The following PDE1C variants were observed in gnomAD, a reference collection of about 807,000 sequenced individuals.
PDE1C encodes the protein dual specificity calcium/calmodulin-dependent 3',5'-cyclic nucleotide phosphodiesterase 1C.
PDE1C carries 62 observed loss-of-function variants against 93.1 expected under a neutral mutation model. The observed-to-expected ratio is 0.67, with a 90% CI of 0.54 to 0.82. The LOEUF is 0.82. PDE1C is among the 40% of genes least tolerant of loss of function. The probability of loss-of-function intolerance (pLI) is 0.00; values close to 1 mark genes in which losing one functional copy is unlikely to be tolerated. For missense variants in PDE1C, 742 were observed against 884.6 expected, an observed-to-expected ratio of 0.84 and a Z score of 2.04; for synonymous variants, 325 against 310.1, an observed-to-expected ratio of 1.05 and a Z score of -0.50.
At chr7:32,294,214 G>T (rs967740189) in intron 1 of PDE1C, among the ~76,000 whole-genome samples, 1 of 152,202 alleles carries the variant, frequency 6.6e-6, no homozygotes, top group African/African-American at 2.4e-5. Flanking sequence ...CTGTCTAGGG[G>T]CTTCTTGTTT....
chr7:32,302,950 C>T (rs185914261), upstream of PDE1C, among the ~76,000 whole-genome samples: 3 of 152,290 alleles, frequency 2.0e-5, no homozygotes, highest in Admixed American at 6.5e-5. Flanking sequence ...GTCTAACAAC[C>T]ATTCCAAATT....
chr7:32,030,262 A>C (rs1790136764), intron 2 of PDE1C, among the ~76,000 whole-genome samples: 1 of 152,098 alleles, frequency 6.6e-6, no homozygotes. Context: ...TTCAGATTTT[A>C]CTTAGAGAAA....
intron 1 of PDE1C, among the ~76,000 whole-genome samples, chr7:32,363,351 C>A (rs1404021661): frequency 6.6e-6 from 1 of 152,326 alleles, no homozygotes; most frequent in East Asian, 1.9e-4. Context: ...TGCCCAAGGC[C>A]ACACAGCAAG....
chr7:32,200,814 C>A (rs1039026096), intron 2 of PDE1C, among the ~76,000 whole-genome samples: 1 of 152,188 alleles, frequency 6.6e-6, no homozygotes, highest in Non-Finnish European at 1.5e-5. Flanking sequence ...GAGGCCTCAT[C>A]ATCTCAGTGG....
intron 2 of PDE1C, among the ~76,000 whole-genome samples, chr7:31,944,432 G>T (rs1806305780): frequency 6.6e-6 from 1 of 152,160 alleles, no homozygotes; most frequent in Non-Finnish European, 1.5e-5. Flanking sequence ...CTCTCCTGAG[G>T]GTGGGCAGGT....
the PDE1C span, among the ~76,000 whole-genome samples, chr7:31,740,333 A>T: frequency 1.3e-5 from 2 of 152,212 alleles, no homozygotes; most frequent in Non-Finnish European, 2.9e-5. Context: ...GCAGTGAATG[A>T]CTAACATACA....
At chr7:32,009,560 T>C (rs888172562) in intron 2 of PDE1C, among the ~76,000 whole-genome samples, 4 of 152,200 alleles carry the variant, frequency 2.6e-5, no homozygotes, top group Non-Finnish European at 4.4e-5. Flanking sequence ...AGAGAAAAGG[T>C]GCCAACCTGA....
chr7:31,753,326 G>A lies in PDE1C; in HGVS notation c.*58C>T, dbSNP rs1794227762. 6 of 1,569,200 alleles carry A rather than the reference G, an allele frequency of 3.8e-6. No individual in the cohort carries two copies. The Admixed American group carries it at 1.1e-4, about 28-fold the overall frequency. The stretch of plus-strand genomic sequence containing the variant: ...GGAGGTGTGTCCTGCTGTGGCCAGT[G>A]GGTGCTGAGAAGCAGATAGGTAGAC... On this transcript the variant is annotated 3_prime_UTR_variant, in exon 18 of 18. Coordinates refer to ENST00000396191, the MANE Select transcript of PDE1C (RefSeq NM_001191057.4).
At chr7:32,136,349 TA>T (rs201067139) in intron 3 of PDE1C, among the ~76,000 whole-genome samples, 10 of 148,676 alleles carry the variant, frequency 6.7e-5, no homozygotes, top group South Asian at 2.1e-4. Flanking sequence ...TTTATTTATT[TA>T]TTTATTTTTG....
At position 32,157,783 on chromosome 7, in the gene PDE1C, C is replaced by T. The variant is rs555933557; in HGVS notation, c.308+12002G>A. Among the ~76,000 whole-genome samples, 4 of 152,106 alleles carry T rather than the reference C, an allele frequency of 2.6e-5. No homozygotes were observed. In the South Asian group the frequency reaches 6.2e-4, roughly 24 times the overall value. On this transcript the variant is annotated intron_variant, in intron 3 of 18. Coordinates refer to the PDE1C transcript ENST00000396193. ...GGATAGATAGATGATAAACCTAAAG[C>T]GAATGTAGCAAAAGGCTAAAAGGTG...
intron 1 of PDE1C, among the ~76,000 whole-genome samples, chr7:32,216,992 G>C (rs1459827376): frequency 3.3e-5 from 5 of 152,236 alleles, no homozygotes; most frequent in Non-Finnish European, 7.3e-5. Context: ...CTAGGCATAA[G>C]GCCAGGAGAC....
At chr7:31,965,755 A>T (rs1563112527) in intron 2 of PDE1C, among the ~76,000 whole-genome samples, 1 of 152,346 alleles carries the variant, frequency 6.6e-6, no homozygotes, top group East Asian at 1.9e-4. Flanking sequence ...CTAACAGCTG[A>T]TCTCTTGGCA....
intron 2 of PDE1C, among the ~76,000 whole-genome samples, chr7:31,895,018 G>A (rs958446303): frequency 6.6e-6 from 1 of 152,064 alleles, no homozygotes; most frequent in African/African-American, 2.4e-5. Context: ...GTGACTCCCA[G>A]GACACCCTTA....
At chr7:31,741,291 T>A in the PDE1C span, among the ~76,000 whole-genome samples, 2 of 152,190 alleles carry the variant, frequency 1.3e-5, no homozygotes, top group African/African-American at 4.8e-5. Context: ...TAACTGGTTT[T>A]AGCTGAATTT....
the PDE1C span, chr7:31,642,250 C>A: frequency 1.3e-6 from 2 of 1,551,156 alleles, no homozygotes; most frequent in Non-Finnish European, 1.7e-6. Context: ...GGAACCGCTG[C>A]CCCTCCAGGT....
chr7:32,168,442 A>G (rs979919627), intron 3 of PDE1C, among the ~76,000 whole-genome samples: 3 of 152,196 alleles, frequency 2.0e-5, no homozygotes, highest in Non-Finnish European at 2.9e-5. Context: ...TTCATTGAAG[A>G]AAATGATGAC....
chr7:31,749,601 A>G (rs1794077962), downstream of PDE1C, among the ~76,000 whole-genome samples: 1 of 152,158 alleles, frequency 6.6e-6, no homozygotes, highest in Admixed American at 6.5e-5. Flanking sequence ...AGGAATTTGA[A>G]TGCAACAGGG....
chr7:32,114,158 C>A (rs1798847594), intron 3 of PDE1C, among the ~76,000 whole-genome samples: 1 of 151,498 alleles, frequency 6.6e-6, no homozygotes, highest in African/African-American at 2.4e-5. Context: ...CAAAGAAGAC[C>A]CCATAGACAA....
At chr7:32,237,365 T>C (rs1437248540) in intron 1 of PDE1C, among the ~76,000 whole-genome samples, 1 of 152,014 alleles carries the variant, frequency 6.6e-6, no homozygotes, top group Non-Finnish European at 1.5e-5. Flanking sequence ...TTCTTAAAAA[T>C]AATAAAATTA....
Sources: allele counts gnomAD v4.1 joint callset (sites outside exome capture counted in the v4.1 genomes callset), GRCh38; gene constraint gnomAD v4.1.1; transcripts MANE v1.5; gene names NCBI Gene and HGNC (gene_info 2026-07-23, HGNC 2026-07-21).